TMEM178B: variants seen among roughly 807,000 people sequenced by gnomAD.
The protein encoded by TMEM178B is transmembrane protein 178B.
Under a neutral mutation model 31.0 loss-of-function variants are expected in TMEM178B, and 5 were observed. That is an observed-to-expected ratio of 0.16 (90% confidence interval 0.08 to 0.34). The LOEUF is 0.34. TMEM178B is among the 10% of genes least tolerant of loss of function. TMEM178B has a pLI of 1.00. For synonymous variants in TMEM178B, 164 were observed against 164.0 expected, an observed-to-expected ratio of 1.00 and a Z score of 0.00; for missense variants, 275 against 400.3, an observed-to-expected ratio of 0.69 and a Z score of 2.67.
intron 2 of TMEM178B, among the ~76,000 whole-genome samples, chr7:141,279,962 A>C (rs1798328545): frequency 6.6e-6 from 1 of 152,268 alleles, no homozygotes. Flanking sequence ...CAAGTGACAG[A>C]AACCCAGCTT....
intron 1 of TMEM178B, among the ~76,000 whole-genome samples, chr7:141,140,748 T>C (rs1403568255): frequency 6.6e-6 from 1 of 152,246 alleles, no homozygotes. Context: ...TATTGTCAGA[T>C]GCTCCTCTAC....
At chr7:141,084,194 G>A (rs1794739533) in intron 1 of TMEM178B, among the ~76,000 whole-genome samples, 1 of 152,178 alleles carries the variant, frequency 6.6e-6, no homozygotes, top group South Asian at 2.1e-4. Context: ...TGAAATTCCT[G>A]CCCTCGTAGG....
intron 2 of TMEM178B, among the ~76,000 whole-genome samples, chr7:141,395,683 A>T (rs10274938): frequency 2.0e-5 from 3 of 151,610 alleles, no homozygotes; most frequent in African/African-American, 7.3e-5. Context: ...ACTCCACCAC[A>T]CTCTGCTCCC....
intron 2 of TMEM178B, among the ~76,000 whole-genome samples, chr7:141,362,130 T>C (rs1799927325): frequency 6.6e-6 from 1 of 152,216 alleles, no homozygotes; most frequent in Admixed American, 6.5e-5. Flanking sequence ...CATCGAGTCA[T>C]GGCAGAGAAT....
At chr7:141,083,082 C>T (rs1794712940) in intron 1 of TMEM178B, among the ~76,000 whole-genome samples, 1 of 152,028 alleles carries the variant, frequency 6.6e-6, no homozygotes, top group Non-Finnish European at 1.5e-5. Flanking sequence ...TAGTTTGACC[C>T]ATCATACACA....
chr7:141,137,257 C>T (rs968694069), intron 1 of TMEM178B, among the ~76,000 whole-genome samples: 1 of 152,198 alleles, frequency 6.6e-6, no homozygotes, highest in African/African-American at 2.4e-5. Context: ...GGGATACCTG[C>T]ACCCCTATGT....
chr7:141,333,263 A>G (rs981554156), intron 2 of TMEM178B, among the ~76,000 whole-genome samples: 2 of 152,228 alleles, frequency 1.3e-5, no homozygotes, highest in Non-Finnish European at 2.9e-5. Flanking sequence ...TCATGTAGGT[A>G]TGGAGGTTTC....
chr7:141,310,547 G>C (rs187480789), intron 2 of TMEM178B, among the ~76,000 whole-genome samples: 146 of 152,212 alleles, frequency 9.6e-4, no homozygotes, highest in African/African-American at 3.1e-3. Context: ...GCATGCATTA[G>C]GTATTTGTCC....
intron 2 of TMEM178B, among the ~76,000 whole-genome samples, chr7:141,246,417 T>C (rs1159278951): frequency 6.6e-6 from 1 of 152,150 alleles, no homozygotes; most frequent in African/African-American, 2.4e-5. Context: ...TACGAAAGGG[T>C]ATTTGGAGTA....
intron 2 of TMEM178B, among the ~76,000 whole-genome samples, chr7:141,277,373 G>A (rs866468304): frequency 2.0e-4 from 31 of 152,064 alleles, no homozygotes; most frequent in African/African-American, 7.2e-4. Flanking sequence ...GCCTAGGCCT[G>A]CATAGGGTTG....
chr7:141,083,005 A>C (rs376652672), intron 1 of TMEM178B, among the ~76,000 whole-genome samples: 1 of 152,146 alleles, frequency 6.6e-6, no homozygotes, highest in Non-Finnish European at 1.5e-5. Flanking sequence ...AGTTGAAAAC[A>C]TTTCCCCCTC....
At chr7:141,326,443 G>C (rs1799191565) in intron 2 of TMEM178B, among the ~76,000 whole-genome samples, 1 of 152,116 alleles carries the variant, frequency 6.6e-6, no homozygotes, top group Non-Finnish European at 1.5e-5. Flanking sequence ...AAAGATACTG[G>C]TATGTGATGG....
intron 2 of TMEM178B, among the ~76,000 whole-genome samples, chr7:141,235,149 A>G (rs1320069307): frequency 5.9e-5 from 9 of 152,168 alleles, no homozygotes; most frequent in African/African-American, 1.7e-4. Context: ...ACACATCTTC[A>G]TTTGTGACTG....
At chr7:141,151,426 T>C (rs1795970882) in intron 1 of TMEM178B, among the ~76,000 whole-genome samples, 1 of 152,134 alleles carries the variant, frequency 6.6e-6, no homozygotes, top group Non-Finnish European at 1.5e-5. Context: ...AAGGGGTGGA[T>C]GAGGCACCAG....
intron 2 of TMEM178B, among the ~76,000 whole-genome samples, chr7:141,314,402 G>T (rs184334803): frequency 3.3e-5 from 5 of 152,302 alleles, no homozygotes; most frequent in Non-Finnish European, 5.9e-5. Flanking sequence ...GATGGGGCAG[G>T]GATGAAACTC....
intron 2 of TMEM178B, among the ~76,000 whole-genome samples, chr7:141,370,774 G>A (rs887557458): frequency 2.6e-5 from 4 of 152,218 alleles, no homozygotes; most frequent in Admixed American, 1.3e-4. Flanking sequence ...GAAACACAGC[G>A]TTCCTCTTTG....
At chr7:141,178,987 T>G (rs1012826247) in intron 1 of TMEM178B, among the ~76,000 whole-genome samples, 8 of 152,204 alleles carry the variant, frequency 5.3e-5, no homozygotes, top group Admixed American at 4.6e-4. Context: ...TCTTTTCACT[T>G]GCTTTTGGGT....
In TMEM178B at chr7:141,074,388, C is replaced by G; in HGVS notation, c.78C>G (p.Ile26Met). ...CCCTCGGCATGCTGGCCGTGGCCAT[C>G]TGCTCGGACCACTGGTACGAGACGG... is the stretch of plus-strand genomic sequence containing the variant. ...LCALGMLAVA[I>M]CSDHWYETDA... Residue 26 changes from isoleucine to methionine, a missense_variant, in exon 1 of 4, where the codon ATC (isoleucine) becomes ATG (methionine). Transcript: ENST00000565468. The surrounding 1 kb of genome is among the most constrained non-coding windows in gnomAD (Gnocchi z 5.1). 1 of 1,536,170 alleles carries G rather than the reference C, an allele frequency of 6.5e-7. No homozygotes were observed. The highest frequency in any genetic ancestry group is 2.4e-5 in the East Asian group (1 of 40,912).
Position 141,474,180 on chromosome 7 carries a change from C to T in TMEM178B, c.*3394C>T, listed in dbSNP as rs1330862332. On this transcript the variant is annotated 3_prime_UTR_variant, in exon 4 of 4. Coordinates refer to ENST00000565468, the MANE Select transcript of TMEM178B (RefSeq NM_001195278.2). ...ATTGCAACTTTTATTTCCTTCCCTA[C>T]TCTACTACCTTGAGATTCAGGAAAG... 4 of 152,220 alleles carry T rather than the reference C, an allele frequency of 2.6e-5. No homozygotes were observed. The highest frequency in any genetic ancestry group is 9.6e-5 in the African/African-American group (4 of 41,464). 9.4% of individuals were successfully genotyped at this position (152,220 alleles called of 1,614,324 possible). A position where few individuals can be genotyped will look rare whatever the true frequency, so the allele number is the denominator to read the frequency against.
Sources: allele counts gnomAD v4.1 joint callset (sites outside exome capture counted in the v4.1 genomes callset), GRCh38; gene constraint gnomAD v4.1.1; non-coding constraint Gnocchi (gnomAD v3.1); transcripts MANE v1.5; gene names NCBI Gene and HGNC (gene_info 2026-07-23, HGNC 2026-07-21).